Variants in DPY19L1 observed in about 807,000 individuals in gnomAD.
DPY19L1 encodes protein C-mannosyl-transferase DPY19L1.
A neutral mutation model predicts 96.9 loss-of-function variants in DPY19L1; 35 were observed. The ratio of observed to expected loss-of-function variants is 0.36; its 90% CI spans 0.28 to 0.48. DPY19L1 has a LOEUF of 0.48. Ranked by LOEUF, DPY19L1 falls within the 20% of genes least tolerant of loss-of-function variation. DPY19L1 has a pLI of 0.99. For synonymous variants in DPY19L1, 205 were observed against 252.6 expected (o/e 0.81, Z 1.79); for missense variants, 521 against 777.9 (o/e 0.67, Z 3.93).
chr7:34,991,478 C>T (rs924914538), intron 6 of DPY19L1, among the ~76,000 whole-genome samples: 1 of 152,168 alleles, frequency 6.6e-6, no homozygotes, highest in Non-Finnish European at 1.5e-5. Flanking sequence ...GAAGTGGACG[C>T]CAGGGTTCTC....
At chr7:34,946,750 C>T (rs1175256849) in intron 15 of DPY19L1, among the ~76,000 whole-genome samples, 1 of 152,206 alleles carries the variant, frequency 6.6e-6, no homozygotes, top group Non-Finnish European at 1.5e-5. Flanking sequence ...TCTTCCCTTG[C>T]TTTTAAGTGG....
chr7:34,934,302 G>A (rs577891306), intron 21 of DPY19L1, among the ~76,000 whole-genome samples: 11 of 152,234 alleles, frequency 7.2e-5, no homozygotes, highest in Admixed American at 3.3e-4. Context: ...GAAAACCCTG[G>A]CAGATGCTCT....
chr7:34,987,241 T>C (rs1259071440), intron 7 of DPY19L1, among the ~76,000 whole-genome samples: 4 of 152,128 alleles, frequency 2.6e-5, no homozygotes, highest in African/African-American at 9.6e-5. Context: ...CTGAATGAAA[T>C]TTACTAAAGA....
chr7:35,020,955 C>T (rs1268076619), intron 1 of DPY19L1, among the ~76,000 whole-genome samples: 10 of 152,130 alleles, frequency 6.6e-5, no homozygotes, highest in Admixed American at 3.9e-4. Flanking sequence ...GTGATCTGCC[C>T]GCCTCAGCCT....
chr7:34,959,924 T>TAAA (rs1562806976), intron 10 of DPY19L1, among the ~76,000 whole-genome samples: 96 of 51,172 alleles, frequency 1.9e-3, no homozygotes, highest in African/African-American at 4.9e-3. Context: ...TATATATATA[T>TAAA]TTATATATAT....
At chr7:34,957,725 G>A (rs189489267) in intron 11 of DPY19L1, among the ~76,000 whole-genome samples, 1 of 152,096 alleles carries the variant, frequency 6.6e-6, no homozygotes, top group Non-Finnish European at 1.5e-5. Context: ...TTCAAAAAGT[G>A]GAGCAGGAGT....
intron 21 of DPY19L1, among the ~76,000 whole-genome samples, chr7:34,933,162 T>C (rs1783791510): frequency 2.6e-5 from 4 of 152,104 alleles, no homozygotes; most frequent in Admixed American, 2.6e-4. Flanking sequence ...ATTATTTCAA[T>C]AGCTTTTGGG....
At chr7:35,021,922 G>A (rs1197209134) in intron 1 of DPY19L1, among the ~76,000 whole-genome samples, 1 of 152,048 alleles carries the variant, frequency 6.6e-6, no homozygotes, top group Non-Finnish European at 1.5e-5. Flanking sequence ...AAAATTTGGA[G>A]ATATATTTTA....
intron 19 of DPY19L1, among the ~76,000 whole-genome samples, chr7:34,939,817 GA>G (rs1783957603): frequency 6.6e-6 from 1 of 152,066 alleles, no homozygotes; most frequent in South Asian, 2.1e-4. Flanking sequence ...TTTCAAGAAG[GA>G]ATGTGAAGGA....
chr7:35,037,790 G>T, upstream of DPY19L1: 1 of 1,205,184 alleles, frequency 8.3e-7, no homozygotes, highest in Non-Finnish European at 1.0e-6. Flanking sequence ...GGCGGGGCCC[G>T]ACCCCTCTGG....
At chr7:34,969,318 G>T in intron 9 of DPY19L1, 115 bp downstream of exon 9, 2 of 492,250 alleles carry the variant, frequency 4.1e-6, no homozygotes, top group Non-Finnish European at 6.8e-6. Context: ...CCTAGAAAAT[G>T]TTTTAGTGTT....
upstream of DPY19L1, chr7:35,038,025 G>A: frequency 3.9e-6 from 3 of 778,824 alleles, no homozygotes; most frequent in East Asian, 3.7e-5. Context: ...GAAGGCGCCC[G>A]GAGCGGCCAC....
chr7:34,942,725 T>C, intron 16 of DPY19L1, 86 bp from the exon 17 acceptor site: 1 of 1,115,316 alleles, frequency 9.0e-7, no homozygotes, highest in Non-Finnish European at 1.3e-6. Context: ...CAAACAGGAG[T>C]TTTACAACTT....
chr7:34,958,108 TA>T (rs2128786862), intron 10 of DPY19L1, 38 bp from the exon 11 acceptor site: 3 of 1,431,886 alleles, frequency 2.1e-6, no homozygotes, highest in South Asian at 1.3e-5. Context: ...GTAATGCACA[TA>T]AAACAAAAAA....
chr7:34,961,367 C>T (rs1784497606), intron 10 of DPY19L1, among the ~76,000 whole-genome samples: 1 of 152,080 alleles, frequency 6.6e-6, no homozygotes, highest in Non-Finnish European at 1.5e-5. Flanking sequence ...TGATATTTGA[C>T]CAAGGAGCAA....
rs57262214 is a variant in DPY19L1 at position 35,027,668 on chromosome 7, T to TAAA, written c.299-9075_299-9073dup. ...CAACATGGCAAAACCCCGTCTCTACTAAAAAAAAAAAAAAAAAAAATTAGT... is the reference window on the plus strand; with the variant it reads ...CAACATGGCAAAACCCCGTCTCTACTAAAAAAAAAAAAAAAAAAAAAAATTAGT... On this transcript the variant is annotated intron_variant, in intron 1 of 21. Coordinates refer to ENST00000638088, the MANE Select transcript of DPY19L1 (RefSeq NM_001366673.1). 6.6e-4 allele frequency among the ~76,000 whole-genome samples: 47 copies of TAAA among 71,382 alleles called. 1 individual carries two copies. Among genetic ancestry groups the TAAA allele is most frequent in the African/African-American group, 1.4e-3 (33 of 22,904 alleles). 46.8% of individuals were successfully genotyped at this position (71,382 alleles called of 152,430 possible). A position where few individuals can be genotyped will look rare whatever the true frequency, so the allele number is the denominator to read the frequency against.
At chr7:34,997,377 C>T (rs192835007) in intron 6 of DPY19L1, among the ~76,000 whole-genome samples, 19 of 140,512 alleles carry the variant, frequency 1.4e-4, no homozygotes, top group African/African-American at 3.2e-4. Context: ...CGGATCACAA[C>T]GTCAGGAGAT....
Position 34,955,251 on chromosome 7 carries a change from C to G in DPY19L1, c.1239+57G>C. ...ATTTTCTTAAAAGTAAAACATAAAA[C>G]CAATGATATATTTTAGAGAAGAAAA... On this transcript the variant is annotated intron_variant, in intron 12 of 21. Transcript: ENST00000638088. 4 of 1,537,734 alleles carry G rather than the reference C, an allele frequency of 2.6e-6. No homozygotes were observed. In the Admixed American group the frequency reaches 5.5e-5, roughly 21 times the overall value.
chr7:34,993,181 T>C (rs1449071702), intron 6 of DPY19L1, among the ~76,000 whole-genome samples: 1 of 152,238 alleles, frequency 6.6e-6, no homozygotes, highest in Non-Finnish European at 1.5e-5. Flanking sequence ...TTCCTTTATT[T>C]CTTCTGCACT....
Sources: allele counts gnomAD v4.1 joint callset (sites outside exome capture counted in the v4.1 genomes callset), GRCh38; gene constraint gnomAD v4.1.1; transcripts MANE v1.5; gene names NCBI Gene and HGNC (gene_info 2026-07-23, HGNC 2026-07-21).